SLX4IP: variants seen among roughly 807,000 people sequenced by gnomAD.
SLX4IP encodes SLX4 interacting protein.
SLX4IP carries 34 observed loss-of-function variants against 32.9 expected under a neutral mutation model. The observed-to-expected ratio is 1.03, with a 90% CI of 0.79 to 1.38. The LOEUF (loss-of-function observed/expected upper bound fraction) is 1.38. Among genes scored for constraint, SLX4IP ranks in the 40% most tolerant of loss-of-function variants. SLX4IP has a pLI of 0.00. For synonymous variants in SLX4IP, 172 were observed against 171.7 expected, an observed-to-expected ratio of 1.00 and a Z score of -0.01; for missense variants, 444 against 479.0, an observed-to-expected ratio of 0.93 and a Z score of 0.68.
chr20:10,611,505 C>T lies in SLX4IP; in HGVS notation c.405+9686C>T, dbSNP rs914226338. ...TCAGCTTATGTGTGGTGGTTGGTCC[C>T]GGCAGCCTCAGGTCCATATCCTTCC... On this transcript the variant is annotated intron_variant, in intron 6 of 7. Transcript: ENST00000334534. 9.2e-5 allele frequency among the ~76,000 whole-genome samples: 14 copies of T among 152,316 alleles called. No individual in the cohort carries two copies. The South Asian group carries it at 2.5e-3, about 27-fold the overall frequency.
chr20:10,545,278 A>G (rs1180876764), intron 2 of SLX4IP, among the ~76,000 whole-genome samples: 1 of 152,174 alleles, frequency 6.6e-6, no homozygotes, highest in East Asian at 1.9e-4. Flanking sequence ...GGGCTCTCCA[A>G]GGTTCTGGTA....
At chr20:10,621,715 A>T (rs1323979809) in intron 7 of SLX4IP, among the ~76,000 whole-genome samples, 1 of 151,484 alleles carries the variant, frequency 6.6e-6, no homozygotes, top group African/African-American at 2.4e-5. Flanking sequence ...AAAAAAAAAA[A>T]TTCCTTTCCT....
rs202053039 is a variant in SLX4IP, at chr20:10,490,190, TTTC to T, written c.27+31962_27+31964del. On this transcript the variant is annotated intron_variant, in intron 2 of 7. Coordinates refer to ENST00000334534, the MANE Select transcript of SLX4IP (RefSeq NM_001009608.3). Reference sequence around the variant, plus strand: ...TTTTTAGTATTTAAAGTAGTGGAAATTTCTTTTTTTTTTAGACTAAAACTAACT... The same window carrying T: ...TTTTTAGTATTTAAAGTAGTGGAAATTTTTTTTTTTAGACTAAAACTAACT... 7.0e-3 allele frequency among the ~76,000 whole-genome samples: 613 copies of T among 87,642 alleles called. 7 individuals carry two copies. The highest frequency in any genetic ancestry group is 0.024 in the African/African-American group (573 of 23,958). 57.5% of individuals were successfully genotyped at this position (87,642 alleles called of 152,430 possible). A position where few individuals can be genotyped will look rare whatever the true frequency, so the allele number is the denominator to read the frequency against.
chr20:10,624,504 A>C lies in SLX4IP; in HGVS notation c.*1125A>C, dbSNP rs2067151989. On this transcript the variant is annotated 3_prime_UTR_variant, in exon 8 of 8. Coordinates refer to ENST00000334534, the MANE Select transcript of SLX4IP (RefSeq NM_001009608.3). ...ACCCGCTAAAAGTTTCCAATAACCG[A>C]ATTTCACTCTAAAAGAGGAAAGAAA... is the stretch of plus-strand genomic sequence containing the variant. 6.6e-6 allele frequency: 1 copy of C among 151,998 alleles called. No individual in the cohort carries two copies. The highest frequency in any genetic ancestry group is 2.4e-5 in the African/African-American group (1 of 41,378). 9.4% of individuals were successfully genotyped at this position (151,998 alleles called of 1,614,324 possible).
chr20:10,570,147 G>T (rs922666484), intron 4 of SLX4IP, among the ~76,000 whole-genome samples: 1 of 152,202 alleles, frequency 6.6e-6, no homozygotes, highest in Non-Finnish European at 1.5e-5. Flanking sequence ...CCCTCCAGTA[G>T]ACCAAGTGAC....
intron 2 of SLX4IP, among the ~76,000 whole-genome samples, chr20:10,489,245 C>T (rs775941429): frequency 1.3e-5 from 2 of 152,090 alleles, no homozygotes; most frequent in Non-Finnish European, 1.5e-5. Context: ...GGTTATAGTT[C>T]GGTCCACTAA....
At chr20:10,617,830 G>T (rs2067056465) in intron 6 of SLX4IP, among the ~76,000 whole-genome samples, 1 of 151,688 alleles carries the variant, frequency 6.6e-6, no homozygotes, top group African/African-American at 2.4e-5. Flanking sequence ...TTGTAGAGAT[G>T]AGGTCTCACT....
rs756390778 is a variant in SLX4IP, at chr20:10,621,336, T to C, written c.428T>C (p.Val143Ala). 3.1e-6 allele frequency: 5 copies of C among 1,614,136 alleles called. No homozygotes were observed. The highest frequency in any genetic ancestry group is 1.7e-5 in the Admixed American group (1 of 60,020). Reference sequence around the variant, plus strand: ...TAGACAGAAAGAGTTCTCCATGGAGTGTCTGATTACTTTGCTGAGTGTGCA... The same window carrying C: ...TAGACAGAAAGAGTTCTCCATGGAGCGTCTGATTACTTTGCTGAGTGTGCA... ...EDLTERVLHG[V>A]SDYFAECAES... The change falls in exon 7 of 8, where the codon GTG (valine) becomes GCG (alanine). Residue 143 changes from valine to alanine, a missense_variant. Val to Ala is a moderately conservative substitution (Grantham distance 64). Transcript: ENST00000334534.
At chr20:10,594,982 A>G (rs1292916555) in intron 4 of SLX4IP, among the ~76,000 whole-genome samples, 2 of 152,114 alleles carry the variant, frequency 1.3e-5, no homozygotes, top group African/African-American at 4.8e-5. Flanking sequence ...ACAAGTAATC[A>G]TTTGAGGCTT....
At chr20:10,500,130 C>CTTTTTTTTTTT in intron 2 of SLX4IP, among the ~76,000 whole-genome samples, 1 of 90,072 alleles carries the variant, frequency 1.1e-5, no homozygotes, top group Non-Finnish European at 2.0e-5. Context: ...TGTCAAAATT[C>CTTTTTTTTTTT]TTTTTTTTTT....
chr20:10,589,486 A>G (rs191456190), intron 4 of SLX4IP, among the ~76,000 whole-genome samples: 1 of 152,310 alleles, frequency 6.6e-6, no homozygotes, highest in Admixed American at 6.5e-5. Flanking sequence ...AAGATTTATT[A>G]TAAATAAAGC....
chr20:10,591,735 C>T (rs574691753), intron 4 of SLX4IP, among the ~76,000 whole-genome samples: 2 of 152,236 alleles, frequency 1.3e-5, no homozygotes, highest in South Asian at 2.1e-4. Flanking sequence ...TCTATGCTTG[C>T]GTGTTATCCA....
intron 2 of SLX4IP, among the ~76,000 whole-genome samples, chr20:10,545,849 C>G (rs1452076355): frequency 2.0e-5 from 3 of 152,160 alleles, no homozygotes; most frequent in Non-Finnish European, 4.4e-5. Flanking sequence ...GAACAATCTG[C>G]CAACCTAGAT....
At chr20:10,612,289 A>G (rs1337826910) in intron 6 of SLX4IP, among the ~76,000 whole-genome samples, 1 of 152,110 alleles carries the variant, frequency 6.6e-6, no homozygotes, top group East Asian at 1.9e-4. Context: ...TGAGAAACCA[A>G]CCATCAAGGG....
chr20:10,593,419 G>A (rs1047783098), intron 4 of SLX4IP, among the ~76,000 whole-genome samples: 50 of 151,808 alleles, frequency 3.3e-4, no homozygotes, highest in African/African-American at 1.2e-3. Flanking sequence ...TTGAAATTTT[G>A]TGTTTAGGCA....
chr20:10,512,411 T>G (rs933214864), intron 2 of SLX4IP, among the ~76,000 whole-genome samples: 1 of 151,600 alleles, frequency 6.6e-6, no homozygotes, highest in African/African-American at 2.4e-5. Context: ...TTATGTCACT[T>G]TAAGTATTTT....
Position 10,625,418 on chromosome 20 carries a change from G to A in SLX4IP, c.*2039G>A, listed in dbSNP as rs999315299. ...CTGCCTGCTCCAGAACTAGGGGGGA[G>A]ATATTTGAGCTGGAGCCACCAGAGA... On this transcript the variant is annotated 3_prime_UTR_variant, in exon 8 of 8. Transcript: ENST00000334534. The A allele has an allele frequency of 3.9e-5, 6 of 152,330 alleles. No homozygotes were observed. The highest frequency in any genetic ancestry group is 3.3e-4 in the Admixed American group (5 of 15,304). 9.4% of individuals were successfully genotyped at this position (152,330 alleles called of 1,614,324 possible). A position where few individuals can be genotyped will look rare whatever the true frequency, so the allele number is the denominator to read the frequency against.
intron 2 of SLX4IP, among the ~76,000 whole-genome samples, chr20:10,530,743 AAATT>A (rs2065981793): frequency 6.6e-6 from 1 of 152,210 alleles, no homozygotes. Flanking sequence ...TATAAAAAGA[AAATT>A]AATTTTGCTA....
chr20:10,541,738 AGTTAATTCCTGTTTGTGGAC>A (rs2066109431), intron 2 of SLX4IP, among the ~76,000 whole-genome samples: 1 of 152,186 alleles, frequency 6.6e-6, no homozygotes, highest in Non-Finnish European at 1.5e-5. Flanking sequence ...ACTCTCAATT[AGTTAATTCCTGTTTGTGGAC>A]ACTGCAGTCT....
Sources: allele counts gnomAD v4.1 joint callset (sites outside exome capture counted in the v4.1 genomes callset), GRCh38; gene constraint gnomAD v4.1.1; transcripts MANE v1.5; gene names NCBI Gene and HGNC (gene_info 2026-07-23, HGNC 2026-07-21).